PPIL6: variants seen among roughly 807,000 people sequenced by gnomAD.
PPIL6 encodes the protein probable inactive peptidyl-prolyl cis-trans isomerase-like 6.
In PPIL6, 39 loss-of-function variants were observed where a neutral mutation model predicts 36.8. The observed-to-expected ratio is 1.06, with a 90% CI of 0.82 to 1.38. The LOEUF (loss-of-function observed/expected upper bound fraction) is 1.38, where lower values mean the gene tolerates loss of function less well. PPIL6 is among the 40% of genes most tolerant of loss of function. The pLI is 0.00. For synonymous variants in PPIL6, 123 were observed against 134.1 expected, an observed-to-expected ratio of 0.92 and a Z score of 0.57; for missense variants, 368 against 379.1, an observed-to-expected ratio of 0.97 and a Z score of 0.24.
At chr6:109,439,688 G>C (rs763688409) in intron 1 of PPIL6, among the ~76,000 whole-genome samples, 3 of 152,178 alleles carry the variant, frequency 2.0e-5, no homozygotes, top group Non-Finnish European at 4.4e-5. Context: ...GGTACTTCGG[G>C]AGTTAAAAAC....
intron 7 of PPIL6, among the ~76,000 whole-genome samples, chr6:109,395,631 A>G (rs1380863771): frequency 1.4e-5 from 2 of 139,176 alleles, no homozygotes; most frequent in Non-Finnish European, 3.1e-5. Flanking sequence ...TTTTTGAGAC[A>G]GTCTTACTCT....
intron 6 of PPIL6, among the ~76,000 whole-genome samples, chr6:109,418,933 T>A (rs1297997742): frequency 6.6e-6 from 1 of 152,184 alleles, no homozygotes; most frequent in African/African-American, 2.4e-5. Context: ...TAAATTCCCT[T>A]TGACTCTACA....
chr6:109,402,365 G>A (rs1206670289), intron 6 of PPIL6, among the ~76,000 whole-genome samples: 2 of 152,000 alleles, frequency 1.3e-5, no homozygotes, highest in Non-Finnish European at 2.9e-5. Context: ...GCAAAACCCC[G>A]TCTCCACTAA....
chr6:109,410,127 C>T (rs1363601037), intron 6 of PPIL6, among the ~76,000 whole-genome samples: 1 of 152,050 alleles, frequency 6.6e-6, no homozygotes. Flanking sequence ...GCTGAGGTAT[C>T]CTGGAGAGAT....
chr6:109,417,990 G>A (rs1773351044), intron 6 of PPIL6: 1 of 152,098 alleles, frequency 6.6e-6, no homozygotes, highest in Non-Finnish European at 1.5e-5. Flanking sequence ...TTTTCTTTCA[G>A]AGAAACTCTC....
intron 6 of PPIL6, among the ~76,000 whole-genome samples, chr6:109,412,033 A>G (rs955441435): frequency 2.6e-5 from 4 of 152,230 alleles, no homozygotes; most frequent in African/African-American, 9.7e-5. Flanking sequence ...TAGCTAAAAT[A>G]GGGCCAGGGC....
At chr6:109,436,065 CTTG>C (rs1562275756) in intron 2 of PPIL6, 36 bp downstream of exon 2, 2 of 1,097,758 alleles carry the variant, frequency 1.8e-6, no homozygotes, top group East Asian at 4.7e-5. Context: ...CAAAACTTGG[CTTG>C]TTGTCTATAT....
chr6:109,438,005 T>C (rs1451249381), intron 1 of PPIL6, among the ~76,000 whole-genome samples: 1 of 152,256 alleles, frequency 6.6e-6, no homozygotes, highest in Non-Finnish European at 1.5e-5. Context: ...GCAATATTTG[T>C]TCCTATTCTC....
intron 2 of PPIL6, among the ~76,000 whole-genome samples, chr6:109,432,696 A>G (rs1774221126): frequency 6.6e-6 from 1 of 152,096 alleles, no homozygotes; most frequent in Non-Finnish European, 1.5e-5. Flanking sequence ...TCCTGGGCTC[A>G]AGATCCTCCC....
chr6:109,400,008 A>G, intron 7 of PPIL6, 27 bp downstream of exon 7: 3 of 1,546,246 alleles, frequency 1.9e-6, no homozygotes, highest in Middle Eastern at 1.7e-4. Context: ...TGTGAATATT[A>G]TATAAATAGA....
chr6:109,392,957 G>T lies in PPIL6; in HGVS notation c.825-20C>A. On this transcript the variant is annotated intron_variant, in intron 7 of 7. Coordinates refer to ENST00000521072, the MANE Select transcript of PPIL6 (RefSeq NM_173672.5). ...AGTTGCCTACATAGGAGAAAAAAAT[G>T]GAAAATTTAGTCAGTCATAAGTTTT... 1 of 1,438,532 alleles carries T rather than the reference G, an allele frequency of 7.0e-7. No homozygotes were observed. The highest frequency in any genetic ancestry group is 1.4e-5 in the African/African-American group (1 of 70,408). The allele number at this position is 1,438,532 out of a possible 1,614,324, so 89.1% of individuals were successfully genotyped here. A position where few individuals can be genotyped will look rare whatever the true frequency, so the allele number is the denominator to read the frequency against.
At chr6:109,431,374 A>AC (rs2115278692) in intron 2 of PPIL6, 29 bp from the exon 3 acceptor site, 1 of 1,536,332 alleles carries the variant, frequency 6.5e-7, no homozygotes, top group East Asian at 2.3e-5. Flanking sequence ...AAAAAAAAAA[A>AC]AAACGTAAGA....
chr6:109,432,823 G>C (rs184542234), intron 2 of PPIL6, among the ~76,000 whole-genome samples: 1 of 152,130 alleles, frequency 6.6e-6, no homozygotes, highest in Admixed American at 6.5e-5. Context: ...GACTGCACTT[G>C]GGAGAAACAC....
intron 6 of PPIL6, among the ~76,000 whole-genome samples, chr6:109,410,643 G>A (rs188950690): frequency 5.3e-5 from 8 of 152,220 alleles, no homozygotes; most frequent in Non-Finnish European, 1.0e-4. Context: ...TATCTCTAGC[G>A]CACTAATGAT....
intron 6 of PPIL6, among the ~76,000 whole-genome samples, chr6:109,408,735 G>A (rs759986785): frequency 6.1e-4 from 93 of 152,044 alleles, no homozygotes; most frequent in Non-Finnish European, 3.5e-4. Flanking sequence ...TTAGAGATAC[G>A]TATCATCTAA....
At chr6:109,406,964 G>A (rs1772821735) in intron 6 of PPIL6, among the ~76,000 whole-genome samples, 1 of 152,206 alleles carries the variant, frequency 6.6e-6, no homozygotes, top group South Asian at 2.1e-4. Context: ...TTGCAGCATC[G>A]TACAACAAAG....
At chr6:109,423,750 G>C (rs1370859353) in intron 5 of PPIL6, among the ~76,000 whole-genome samples, 1 of 152,052 alleles carries the variant, frequency 6.6e-6, no homozygotes, top group Non-Finnish European at 1.5e-5. Context: ...TCTGAAGGAA[G>C]TAGGCCTCGA....
rs747331119 is a variant in PPIL6 at position 109,400,149 on chromosome 6, T to A, written c.710A>T (p.His237Leu). 6.2e-7 allele frequency: 1 copy of A among 1,612,724 alleles called. No individual in the cohort carries two copies. The highest frequency in any genetic ancestry group is 8.5e-7 in the Non-Finnish European group (1 of 1,179,022). ...CATTCCAAGTACTCCTCTTTTATTA[T>A]GAGGAACTGAAAAGTTTTCATCTAG... is the stretch of plus-strand genomic sequence containing the variant. ...TFEDENFSVP[H>L]NKRGVLGMAN... is the part of the protein sequence containing the mutation. The change falls in exon 7 of 8, where the codon CAT becomes CTT. Residue 237 changes from histidine to leucine, a missense_variant. Coordinates refer to ENST00000521072, the MANE Select transcript of PPIL6 (RefSeq NM_173672.5).
intron 5 of PPIL6, among the ~76,000 whole-genome samples, chr6:109,426,454 GAAAT>G (rs1218849076): frequency 6.6e-6 from 1 of 152,164 alleles, no homozygotes. Flanking sequence ...TGTTTGGTGA[GAAAT>G]AAGTTGTTTT....
Sources: allele counts gnomAD v4.1 joint callset (sites outside exome capture counted in the v4.1 genomes callset), GRCh38; gene constraint gnomAD v4.1.1; transcripts MANE v1.5; gene names NCBI Gene and HGNC (gene_info 2026-07-23, HGNC 2026-07-21).